LDB2: variants seen among roughly 807,000 people sequenced by gnomAD.
LDB2 encodes LIM domain-binding protein 2.
Under a neutral mutation model 44.3 loss-of-function variants are expected in LDB2, and 12 were observed. The ratio of observed to expected loss-of-function variants is 0.27; its 90% CI spans 0.17 to 0.44. The LOEUF (loss-of-function observed/expected upper bound fraction) is 0.44, where lower values mean the gene tolerates loss of function less well. LDB2 is among the 20% of genes least tolerant of loss of function. LDB2 has a pLI of 1.00. For missense variants in LDB2, 344 were observed against 473.5 expected (o/e 0.73, Z 2.54); for synonymous variants, 164 against 174.8 (o/e 0.94, Z 0.49).
At chr4:16,702,946 C>T (rs157625) in intron 2 of LDB2, among the ~76,000 whole-genome samples, 77,320 of 151,694 alleles carry the variant, frequency 0.51, 19,956 homozygotes, top group East Asian at 0.78. Context: ...CCTGTACTTA[C>T]GCTGAATATC....
At chr4:16,596,229 A>G (rs1720864676) in intron 2 of LDB2, among the ~76,000 whole-genome samples, 1 of 152,072 alleles carries the variant, frequency 6.6e-6, no homozygotes, top group African/African-American at 2.4e-5. Flanking sequence ...GACACTTCCA[A>G]TCTGCTTGGA....
chr4:16,877,472 T>C (rs796276899), intron 1 of LDB2, among the ~76,000 whole-genome samples: 5 of 152,316 alleles, frequency 3.3e-5, no homozygotes, highest in African/African-American at 1.2e-4. Context: ...ACTGGGAAAG[T>C]CAATGCATCC....
chr4:16,542,406 A>C (rs1734159761), intron 5 of LDB2, among the ~76,000 whole-genome samples: 1 of 152,214 alleles, frequency 6.6e-6, no homozygotes, highest in Non-Finnish European at 1.5e-5. Flanking sequence ...GGTTTGATGG[A>C]GGTCTTTTCA....
At chr4:16,698,614 T>A (rs1353305875) in intron 2 of LDB2, among the ~76,000 whole-genome samples, 2 of 152,240 alleles carry the variant, frequency 1.3e-5, no homozygotes, top group Non-Finnish European at 2.9e-5. Context: ...TTAATTTTTT[T>A]ATTTCTTTCT....
intron 2 of LDB2, among the ~76,000 whole-genome samples, chr4:16,713,368 T>A (rs77496168): frequency 2.2e-5 from 1 of 45,098 alleles, no homozygotes; most frequent in South Asian, 5.8e-4. Context: ...GTAAAGCTTT[T>A]TTTTTTTTAA....
intron 7 of LDB2, chr4:16,506,124 G>C (rs1367283169): frequency 1.3e-6 from 1 of 773,968 alleles, no homozygotes; most frequent in African/African-American, 1.8e-5. Flanking sequence ...GATGCCTGCA[G>C]GTAGCATCTC....
intron 4 of LDB2, among the ~76,000 whole-genome samples, chr4:16,587,462 G>C (rs1248302412): frequency 6.6e-6 from 1 of 152,182 alleles, no homozygotes; most frequent in Non-Finnish European, 1.5e-5. Flanking sequence ...GTTATCCTTT[G>C]CTGCCTTTTA....
At chr4:16,655,553 C>T (rs371964247) in intron 2 of LDB2, among the ~76,000 whole-genome samples, 4 of 152,168 alleles carry the variant, frequency 2.6e-5, no homozygotes, top group African/African-American at 9.7e-5. Flanking sequence ...GTCATTTGCT[C>T]CACAGACTCC....
At chr4:16,725,497 G>A (rs941082390) in intron 2 of LDB2, among the ~76,000 whole-genome samples, 1 of 152,080 alleles carries the variant, frequency 6.6e-6, no homozygotes, top group Non-Finnish European at 1.5e-5. Context: ...AACAATCCAG[G>A]AAGCTAAACA....
chr4:16,668,327 A>T (rs1321766041), intron 2 of LDB2, among the ~76,000 whole-genome samples: 2 of 152,138 alleles, frequency 1.3e-5, no homozygotes, highest in Non-Finnish European at 2.9e-5. Context: ...CTGGTTGAGG[A>T]GCCCAGCCTA....
chr4:16,867,546 GGT>G (rs1715114144), intron 1 of LDB2, among the ~76,000 whole-genome samples: 1 of 152,082 alleles, frequency 6.6e-6, no homozygotes, highest in African/African-American at 2.4e-5. Context: ...GAACCACTAA[GGT>G]ACAGGATAGC....
At chr4:16,537,071 G>A (rs1400415446) in intron 5 of LDB2, among the ~76,000 whole-genome samples, 1 of 152,188 alleles carries the variant, frequency 6.6e-6, no homozygotes, top group Admixed American at 6.5e-5. Context: ...GCCTGTGTGT[G>A]TGGCTGAGTG....
At chr4:16,819,440 C>A in intron 1 of LDB2, among the ~76,000 whole-genome samples, 1 of 142,134 alleles carries the variant, frequency 7.0e-6, no homozygotes, top group African/African-American at 2.6e-5. Context: ...CCTCCCTGAA[C>A]CTCACTTTCC....
chr4:16,793,003 A>G (rs536274813), intron 1 of LDB2, among the ~76,000 whole-genome samples: 4 of 152,320 alleles, frequency 2.6e-5, no homozygotes, highest in African/African-American at 9.6e-5. Context: ...CAGGGCCCCA[A>G]AGAAATGGAC....
chr4:16,763,200 A>T (rs1268508297), intron 1 of LDB2, among the ~76,000 whole-genome samples: 2 of 151,852 alleles, frequency 1.3e-5, no homozygotes, highest in African/African-American at 4.8e-5. Flanking sequence ...CCAGGCATAT[A>T]ATAGGTAGAT....
At chr4:16,599,250 AG>A (rs1721901897) in intron 2 of LDB2, among the ~76,000 whole-genome samples, 1 of 152,108 alleles carries the variant, frequency 6.6e-6, no homozygotes, top group Non-Finnish European at 1.5e-5. Flanking sequence ...TCCTTTCTGG[AG>A]GTTCTCAGGG....
At chr4:16,527,650 C>T (rs13134116) in intron 5 of LDB2, among the ~76,000 whole-genome samples, 11,998 of 152,040 alleles carry the variant, frequency 0.079, 513 homozygotes, top group South Asian at 0.16. Flanking sequence ...TTTGCAATTG[C>T]GAAAATGTGG....
intron 2 of LDB2, among the ~76,000 whole-genome samples, chr4:16,635,468 AAG>A (rs79122331): frequency 0.5 from 75,411 of 151,634 alleles, 18,926 homozygotes; most frequent in Middle Eastern, 0.66. Flanking sequence ...CATCAGTTAA[AAG>A]AGTTTAAAGA....
chr4:16,734,742 C>T (rs1252786364), intron 2 of LDB2, among the ~76,000 whole-genome samples: 2 of 135,752 alleles, frequency 1.5e-5, no homozygotes, highest in Non-Finnish European at 1.5e-5. Context: ...GAGTTTTGCT[C>T]TCGTTGCCCA....
Sources: allele counts gnomAD v4.1 joint callset (sites outside exome capture counted in the v4.1 genomes callset), GRCh38; gene constraint gnomAD v4.1.1; transcripts MANE v1.5; gene names NCBI Gene and HGNC (gene_info 2026-07-23, HGNC 2026-07-21).